RAB39A: variants seen among roughly 807,000 people sequenced by gnomAD.
The protein encoded by RAB39A is RAB39A, member RAS oncogene family, also known as ras-related protein Rab-39A.
In RAB39A, 17 loss-of-function variants were observed where a neutral mutation model predicts 20.9. The ratio of observed to expected loss-of-function variants is 0.81; its 90% CI spans 0.56 to 1.22. The LOEUF (loss-of-function observed/expected upper bound fraction) is 1.22. Ranked by LOEUF, RAB39A falls within the 50% of genes most tolerant of loss-of-function variation. RAB39A has a pLI of 0.00. For synonymous variants in RAB39A, 99 were observed against 103.4 expected, an observed-to-expected ratio of 0.96 and a Z score of 0.26; for missense variants, 234 against 270.5, an observed-to-expected ratio of 0.87 and a Z score of 0.95.
intron 1 of RAB39A, among the ~76,000 whole-genome samples, chr11:107,951,901 T>C (rs545551944): frequency 1.3e-5 from 2 of 152,308 alleles, no homozygotes; most frequent in East Asian, 3.9e-4. Context: ...ATCTGAGATA[T>C]CATTTACATT....
chr11:107,937,415 C>T lies in RAB39A; in HGVS notation c.227+8620C>T, dbSNP rs145107880. Among the ~76,000 whole-genome samples the T allele has an allele frequency of 1.4e-3, 217 of 152,226 alleles. 1 individual carries two copies. The highest frequency in any genetic ancestry group is 5.0e-3 in the African/African-American group (207 of 41,552). Reference sequence around the variant, plus strand: ...TTGGCCTCCCAAAGTGTTGGGATTACAGCCATGAGCCACTGCACCAGGCCC... The same window carrying T: ...TTGGCCTCCCAAAGTGTTGGGATTATAGCCATGAGCCACTGCACCAGGCCC... On this transcript the variant is annotated intron_variant, in intron 1 of 1. Coordinates refer to ENST00000320578, the MANE Select transcript of RAB39A (RefSeq NM_017516.3).
At chr11:107,939,441 C>T (rs1861236765) in intron 1 of RAB39A, among the ~76,000 whole-genome samples, 1 of 144,248 alleles carries the variant, frequency 6.9e-6, no homozygotes, top group Admixed American at 7.0e-5. Flanking sequence ...CCCGTCTCTA[C>T]TAAAAATACA....
At chr11:107,946,553 A>G (rs1449856437) in intron 1 of RAB39A, among the ~76,000 whole-genome samples, 1 of 134,392 alleles carries the variant, frequency 7.4e-6, no homozygotes, top group Non-Finnish European at 1.5e-5. Context: ...GCTTGCTGCA[A>G]GCTCCGCCTC....
chr11:107,953,822 G>A (rs1488247149), intron 1 of RAB39A, among the ~76,000 whole-genome samples: 1 of 152,102 alleles, frequency 6.6e-6, no homozygotes, highest in Non-Finnish European at 1.5e-5. Context: ...GAAGGATTAT[G>A]CTAAAATCTT....
At chr11:107,940,024 C>A (rs1310063330) in intron 1 of RAB39A, among the ~76,000 whole-genome samples, 1 of 152,132 alleles carries the variant, frequency 6.6e-6, no homozygotes, top group East Asian at 1.9e-4. Context: ...CCTTCCATAG[C>A]AATGTGACTT....
chr11:107,953,547 G>A (rs1017215714), intron 1 of RAB39A, among the ~76,000 whole-genome samples: 4 of 152,052 alleles, frequency 2.6e-5, no homozygotes, highest in African/African-American at 4.8e-5. Flanking sequence ...ATGGCTAGTC[G>A]GCAGCTTCAG....
At chr11:107,943,293 T>C (rs10890781) in intron 1 of RAB39A, among the ~76,000 whole-genome samples, 6,117 of 152,126 alleles carry the variant, frequency 0.04, 159 homozygotes, top group Non-Finnish European at 0.061. Flanking sequence ...CAGGACAGGC[T>C]GGGCGCAGTG....
intron 1 of RAB39A, among the ~76,000 whole-genome samples, chr11:107,950,203 G>A (rs951922089): frequency 2.3e-4 from 35 of 151,574 alleles, no homozygotes; most frequent in Non-Finnish European, 4.4e-4. Flanking sequence ...GAAAGAAAAT[G>A]TGGGTGATTT....
intron 1 of RAB39A, among the ~76,000 whole-genome samples, chr11:107,929,336 T>G (rs1322716462): frequency 6.6e-6 from 1 of 152,182 alleles, no homozygotes; most frequent in Non-Finnish European, 1.5e-5. Context: ...ATGAGCTCAC[T>G]GGGCATGGTT....
chr11:107,958,183 C>T (rs777585226), intron 1 of RAB39A, among the ~76,000 whole-genome samples: 6 of 152,130 alleles, frequency 3.9e-5, no homozygotes, highest in Non-Finnish European at 8.8e-5. Context: ...AGAGCCACTG[C>T]ACCCCACCCA....
intron 1 of RAB39A, among the ~76,000 whole-genome samples, chr11:107,945,318 CAAAAAAAAAA>C (rs33940061): frequency 1.1e-5 from 1 of 87,448 alleles, no homozygotes; most frequent in Non-Finnish European, 2.2e-5. Flanking sequence ...CCCGTCTCTA[CAAAAAAAAAA>C]AAAAAAAAAA....
chr11:107,937,900 T>A (rs769251793), intron 1 of RAB39A, among the ~76,000 whole-genome samples: 1 of 152,150 alleles, frequency 6.6e-6, no homozygotes, highest in Non-Finnish European at 1.5e-5. Flanking sequence ...CACAGACATA[T>A]AATACAAATG....
intron 1 of RAB39A, among the ~76,000 whole-genome samples, chr11:107,930,121 C>T (rs1861121259): frequency 6.6e-6 from 1 of 152,142 alleles, no homozygotes; most frequent in Admixed American, 6.6e-5. Flanking sequence ...TTGCTTATAC[C>T]TTAGTTTTCG....
intron 1 of RAB39A, among the ~76,000 whole-genome samples, chr11:107,946,456 ATATATTTTTTT>A (rs1565464325): frequency 0.022 from 937 of 43,492 alleles, 24 homozygotes; most frequent in Middle Eastern, 0.036. Context: ...ATATATATAT[ATATATTTTTTT>A]TTTTTTTTTT....
chr11:107,928,515 G>T lies in RAB39A; in HGVS notation c.-54G>T. ...AGGTGCTGAAAGGACAGTTCCCGCC[G>T]CCGAACTTAGCCCGCGGGTGGGGCG... On this transcript the variant is annotated 5_prime_UTR_variant, in exon 1 of 2. Transcript: ENST00000320578. The surrounding 1 kb of genome is among the most constrained non-coding windows in gnomAD (Gnocchi z 4.9). The T allele has an allele frequency of 7.4e-7, 1 of 1,347,106 alleles. No homozygotes were observed. The highest frequency in any genetic ancestry group is 9.8e-7 in the Non-Finnish European group (1 of 1,017,778). The allele number at this position is 1,347,106 out of a possible 1,614,324, so 83.4% of individuals were successfully genotyped here.
rs60838211 is a variant in RAB39A, at chr11:107,954,987, C to CT, written c.228-6932dup. Among the ~76,000 whole-genome samples, 77 of 54,898 alleles carry CT rather than the reference C, an allele frequency of 1.4e-3. 6 individuals carry two copies. The highest frequency in any genetic ancestry group is 3.1e-3 in the Admixed American group (9 of 2,936). 36.0% of individuals were successfully genotyped at this position (54,898 alleles called of 152,430 possible). A position where few individuals can be genotyped will look rare whatever the true frequency, so the allele number is the denominator to read the frequency against. ...AATAGTATTTGACAAAGAAAGCATG[C>CT]TTTTTTTTTTTTTTTTTTTTTTTTT... is the stretch of plus-strand genomic sequence containing the variant. On this transcript the variant is annotated intron_variant, in intron 1 of 1. Coordinates refer to ENST00000320578, the MANE Select transcript of RAB39A (RefSeq NM_017516.3).
chr11:107,934,472 C>G (rs994257501), intron 1 of RAB39A, among the ~76,000 whole-genome samples: 4 of 152,022 alleles, frequency 2.6e-5, no homozygotes, highest in African/African-American at 9.7e-5. Context: ...AACTGGTGCT[C>G]TAAGGAGTAT....
chr11:107,948,623 C>A (rs1357956022), intron 1 of RAB39A, among the ~76,000 whole-genome samples: 3 of 152,072 alleles, frequency 2.0e-5, no homozygotes, highest in Admixed American at 2.0e-4. Flanking sequence ...ACCTCAGCCT[C>A]CCAAGTAGCT....
At chr11:107,938,680 G>A (rs994016967) in intron 1 of RAB39A, among the ~76,000 whole-genome samples, 3 of 150,210 alleles carry the variant, frequency 2.0e-5, no homozygotes, top group African/African-American at 7.4e-5. Flanking sequence ...AGGCTGCAGT[G>A]AGCCATGACT....
Sources: gnomAD v4.1 joint callset for allele counts (sites outside exome capture counted in the v4.1 genomes callset) on GRCh38, gnomAD v4.1.1 for gene constraint, Gnocchi (gnomAD v3.1) non-coding constraint, MANE v1.5 for transcripts, NCBI Gene and HGNC (gene_info 2026-07-23, HGNC 2026-07-21) for gene names.